CSNK2A2IP: variants seen among roughly 807,000 people sequenced by gnomAD.
CSNK2A2IP encodes the protein casein kinase 2 subunit alpha' interacting protein.
chr3:88,412,043 T>C, the CSNK2A2IP span, among the ~76,000 whole-genome samples: 2 of 151,806 alleles, frequency 1.3e-5, no homozygotes, highest in African/African-American at 4.9e-5. Context: ...TAATATAATA[T>C]GCCCTACATA....
the CSNK2A2IP span, among the ~76,000 whole-genome samples, chr3:88,387,076 C>T: frequency 3.9e-3 from 590 of 151,982 alleles, 3 homozygotes; most frequent in African/African-American, 0.014. Context: ...GGACTCTATT[C>T]TCAATCTAGT....
At chr3:88,410,072 A>G in the CSNK2A2IP span, among the ~76,000 whole-genome samples, 1 of 152,076 alleles carries the variant, frequency 6.6e-6, no homozygotes, top group South Asian at 2.1e-4. Context: ...GAAAACTCTG[A>G]AGTCTTCAAT....
chr3:88,455,490 C>T, the CSNK2A2IP span, among the ~76,000 whole-genome samples: 1 of 151,878 alleles, frequency 6.6e-6, no homozygotes, highest in African/African-American at 2.4e-5. Context: ...TACCTGCTGA[C>T]TATATGTATA....
At chr3:88,428,545 G>C in the CSNK2A2IP span, among the ~76,000 whole-genome samples, 1 of 152,158 alleles carries the variant, frequency 6.6e-6, no homozygotes. Context: ...GAGGGACTCA[G>C]TTGGAGGTAA....
the CSNK2A2IP span, among the ~76,000 whole-genome samples, chr3:88,339,728 G>C: frequency 6.6e-6 from 1 of 152,054 alleles, no homozygotes; most frequent in Non-Finnish European, 1.5e-5. Flanking sequence ...ATTATTTTCA[G>C]CATAGATTTA....
At chr3:88,383,651 CTT>C in the CSNK2A2IP span, among the ~76,000 whole-genome samples, 36,088 of 89,006 alleles carry the variant, frequency 0.41, 4,561 homozygotes, top group East Asian at 0.53. Context: ...TCTTTTCTTT[CTT>C]TTTTTTTTTT....
At chr3:88,380,554 T>A in the CSNK2A2IP span, among the ~76,000 whole-genome samples, 1 of 151,974 alleles carries the variant, frequency 6.6e-6, no homozygotes, top group African/African-American at 2.4e-5. Context: ...AATATTTATT[T>A]AAATAACACT....
chr3:88,352,106 T>C, the CSNK2A2IP span, among the ~76,000 whole-genome samples: 1 of 152,200 alleles, frequency 6.6e-6, no homozygotes, highest in Non-Finnish European at 1.5e-5. Context: ...TGCTAATTTT[T>C]GTAATTCCAT....
the CSNK2A2IP span, among the ~76,000 whole-genome samples, chr3:88,386,338 CCAGTCTCAAA>C: frequency 5.3e-5 from 8 of 152,112 alleles, no homozygotes; most frequent in Non-Finnish European, 1.0e-4. Flanking sequence ...GTTGGCCGGG[CCAGTCTCAAA>C]CACCTGACCT....
the CSNK2A2IP span, among the ~76,000 whole-genome samples, chr3:88,362,479 C>A: frequency 6.6e-6 from 1 of 152,178 alleles, no homozygotes; most frequent in Non-Finnish European, 1.5e-5. Flanking sequence ...ACTTTCCCTG[C>A]ACTGAGCAGC....
chr3:88,406,768 G>C, the CSNK2A2IP span, among the ~76,000 whole-genome samples: 1 of 152,112 alleles, frequency 6.6e-6, no homozygotes, highest in African/African-American at 2.4e-5. Context: ...CTTTATTTTT[G>C]TTGGTCTCTG....
the CSNK2A2IP span, among the ~76,000 whole-genome samples, chr3:88,453,903 AT>A: frequency 4.6e-5 from 7 of 152,082 alleles, no homozygotes; most frequent in Non-Finnish European, 7.4e-5. Flanking sequence ...CGATGAACAT[AT>A]TTTTTAAGTC....
the CSNK2A2IP span, among the ~76,000 whole-genome samples, chr3:88,373,190 A>G: frequency 3.3e-5 from 5 of 151,426 alleles, no homozygotes; most frequent in African/African-American, 1.2e-4. Flanking sequence ...TTCTCTTCAG[A>G]AGAACATGGG....
the CSNK2A2IP span, among the ~76,000 whole-genome samples, chr3:88,348,771 C>T: frequency 5.3e-5 from 8 of 151,986 alleles, no homozygotes; most frequent in African/African-American, 1.9e-4. Flanking sequence ...CTGTCAGCTA[C>T]TTAGAGAATC....
At chr3:88,416,859 A>G in the CSNK2A2IP span, among the ~76,000 whole-genome samples, 1 of 152,096 alleles carries the variant, frequency 6.6e-6, no homozygotes, top group Non-Finnish European at 1.5e-5. Context: ...ATTAGATAGT[A>G]TTTCTTTTTC....
At chr3:88,408,356 A>G in the CSNK2A2IP span, among the ~76,000 whole-genome samples, 1 of 152,072 alleles carries the variant, frequency 6.6e-6, no homozygotes. Context: ...AATGAAGTTC[A>G]GTCTCCTTGT....
the CSNK2A2IP span, among the ~76,000 whole-genome samples, chr3:88,434,712 A>G: frequency 3.3e-5 from 5 of 152,276 alleles, no homozygotes; most frequent in African/African-American, 1.2e-4. Flanking sequence ...AGTTATTTCA[A>G]GGTAGAGTCA....
the CSNK2A2IP span, among the ~76,000 whole-genome samples, chr3:88,435,731 T>TACATGGTGAGGATTTGTAGTA: frequency 6.6e-6 from 1 of 152,174 alleles, no homozygotes; most frequent in Admixed American, 6.6e-5. Flanking sequence ...GAATCATTGT[T>TACATGGTGAGGATTTGTAGTA]ACATGGTGAG....
chr3:88,363,720 T>C, the CSNK2A2IP span, among the ~76,000 whole-genome samples: 17 of 152,212 alleles, frequency 1.1e-4, no homozygotes, highest in Admixed American at 9.2e-4. Flanking sequence ...TTATATCCTT[T>C]CTGGTTTTCC....
Sources: allele counts gnomAD v4.1 joint callset (sites outside exome capture counted in the v4.1 genomes callset), GRCh38; gene constraint gnomAD v4.1.1; transcripts MANE v1.5; gene names NCBI Gene and HGNC (gene_info 2026-07-23, HGNC 2026-07-21).